ARHGAP15: variants seen among roughly 807,000 people sequenced by gnomAD.
ARHGAP15 encodes the protein rho GTPase-activating protein 15.
ARHGAP15 carries 51 observed loss-of-function variants against 63.7 expected under a neutral mutation model. The observed-to-expected ratio is 0.80, with a 90% CI of 0.64 to 1.01. The LOEUF is 1.01. ARHGAP15 is among the 50% of genes least tolerant of loss of function. ARHGAP15 has a pLI of 0.00. For missense variants in ARHGAP15, 560 were observed against 564.6 expected (o/e 0.99, Z 0.08); for synonymous variants, 191 against 193.8 (o/e 0.99, Z 0.12).
chr2:143,547,254 C>T (rs530271502), intron 10 of ARHGAP15, among the ~76,000 whole-genome samples: 146 of 152,232 alleles, frequency 9.6e-4, no homozygotes, highest in African/African-American at 3.5e-3. Context: ...ACAAATAGGA[C>T]ACTATTGTTC....
chr2:143,546,917 A>AT (rs959232038), intron 10 of ARHGAP15, among the ~76,000 whole-genome samples: 47 of 152,270 alleles, frequency 3.1e-4, no homozygotes, highest in African/African-American at 1.0e-3. Context: ...CAAGACTAAG[A>AT]TTTTTTTAAA....
At chr2:143,347,047 A>G (rs937405131) in intron 6 of ARHGAP15, among the ~76,000 whole-genome samples, 3 of 151,926 alleles carry the variant, frequency 2.0e-5, no homozygotes, top group Non-Finnish European at 4.4e-5. Flanking sequence ...CTTTCTTTCT[A>G]TATGGTTGGA....
At chr2:143,215,819 T>C (rs1692735676) in intron 3 of ARHGAP15, among the ~76,000 whole-genome samples, 1 of 152,168 alleles carries the variant, frequency 6.6e-6, no homozygotes, top group Non-Finnish European at 1.5e-5. Context: ...ATACAGTATA[T>C]GCAAATAGGA....
intron 6 of ARHGAP15, among the ~76,000 whole-genome samples, chr2:143,322,779 G>T (rs1030052753): frequency 6.6e-6 from 1 of 152,186 alleles, no homozygotes; most frequent in Non-Finnish European, 1.5e-5. Flanking sequence ...TACTGGATTA[G>T]AGAAGGAGGA....
At chr2:143,599,116 T>G (rs1367549834) in intron 11 of ARHGAP15, among the ~76,000 whole-genome samples, 1 of 152,074 alleles carries the variant, frequency 6.6e-6, no homozygotes, top group Non-Finnish European at 1.5e-5. Context: ...CCTATGTACT[T>G]TCTTAAAATC....
At chr2:143,556,345 A>T in intron 10 of ARHGAP15, 63 bp from the exon 11 acceptor site, 1 of 1,280,284 alleles carries the variant, frequency 7.8e-7, no homozygotes, top group East Asian at 2.5e-5. Context: ...CTTTTCATAG[A>T]TTTTTTTTAA....
chr2:143,721,212 G>A (rs1685044561), intron 13 of ARHGAP15, among the ~76,000 whole-genome samples: 1 of 152,086 alleles, frequency 6.6e-6, no homozygotes, highest in Admixed American at 6.5e-5. Context: ...AGAAACAGGA[G>A]GAGGAAAGAG....
At chr2:143,213,732 A>C (rs964717641) in intron 3 of ARHGAP15, among the ~76,000 whole-genome samples, 2 of 152,220 alleles carry the variant, frequency 1.3e-5, no homozygotes, top group Non-Finnish European at 2.9e-5. Flanking sequence ...TGACTTTGGA[A>C]AATGATATAA....
chr2:143,491,985 A>G (rs1232087250), intron 9 of ARHGAP15, among the ~76,000 whole-genome samples: 2 of 152,088 alleles, frequency 1.3e-5, no homozygotes, highest in African/African-American at 4.8e-5. Context: ...AGGTTCAAGC[A>G]ATTCTCCTGC....
chr2:143,379,395 G>A (rs1326415926), intron 6 of ARHGAP15, among the ~76,000 whole-genome samples: 3 of 151,706 alleles, frequency 2.0e-5, no homozygotes, highest in African/African-American at 7.3e-5. Flanking sequence ...GTGCCGATCA[G>A]TGCTTGAATT....
chr2:143,372,235 G>A (rs941388489), intron 6 of ARHGAP15, among the ~76,000 whole-genome samples: 61 of 151,332 alleles, frequency 4.0e-4, no homozygotes, highest in African/African-American at 1.2e-3. Flanking sequence ...CCAGGTACTC[G>A]GAAGGAAGAG....
intron 11 of ARHGAP15, among the ~76,000 whole-genome samples, chr2:143,622,445 C>T (rs1346736870): frequency 1.3e-5 from 2 of 152,136 alleles, no homozygotes; most frequent in Middle Eastern, 3.2e-3. Context: ...TAAACCCCAT[C>T]AGGTCTCCCT....
At chr2:143,253,830 G>A (rs1390929041) in intron 6 of ARHGAP15, among the ~76,000 whole-genome samples, 1 of 151,756 alleles carries the variant, frequency 6.6e-6, no homozygotes, top group Non-Finnish European at 1.5e-5. Context: ...TTGACCTTAG[G>A]AAATAGAGTA....
intron 9 of ARHGAP15, among the ~76,000 whole-genome samples, chr2:143,508,808 A>G (rs530325769): frequency 6.6e-6 from 1 of 152,238 alleles, no homozygotes; most frequent in African/African-American, 2.4e-5. Flanking sequence ...TGCCTACTGC[A>G]CTAGTCAGAC....
chr2:143,205,924 T>TC (rs889842013), intron 3 of ARHGAP15, among the ~76,000 whole-genome samples: 10 of 151,744 alleles, frequency 6.6e-5, no homozygotes, highest in South Asian at 2.1e-4. Flanking sequence ...TACCCTATCA[T>TC]CCCCCCCACT....
At chr2:143,176,878 G>C (rs774279394) in intron 2 of ARHGAP15, among the ~76,000 whole-genome samples, 9 of 152,264 alleles carry the variant, frequency 5.9e-5, no homozygotes, top group South Asian at 2.1e-4. Flanking sequence ...AGCTGGGGCC[G>C]AGGGTTGCAG....
chr2:143,587,405 T>G (rs1697146966), intron 11 of ARHGAP15, among the ~76,000 whole-genome samples: 1 of 152,184 alleles, frequency 6.6e-6, no homozygotes, highest in African/African-American at 2.4e-5. Context: ...TCTCTACTTT[T>G]CAGGGTTTGT....
At chr2:143,479,319 C>T (rs868219306) in intron 8 of ARHGAP15, among the ~76,000 whole-genome samples, 7 of 151,518 alleles carry the variant, frequency 4.6e-5, no homozygotes, top group Non-Finnish European at 7.4e-5. Context: ...GGAATTACCA[C>T]GCCTACAACT....
intron 13 of ARHGAP15, among the ~76,000 whole-genome samples, chr2:143,753,006 A>G (rs1361448915): frequency 6.6e-6 from 1 of 152,166 alleles, no homozygotes; most frequent in Non-Finnish European, 1.5e-5. Flanking sequence ...TTAGCCGGGC[A>G]TGGTGGCACA....
Sources: allele counts gnomAD v4.1 joint callset (sites outside exome capture counted in the v4.1 genomes callset), GRCh38; gene constraint gnomAD v4.1.1; transcripts MANE v1.5; gene names NCBI Gene and HGNC (gene_info 2026-07-23, HGNC 2026-07-21).